IP6K2: variants seen among roughly 807,000 people sequenced by gnomAD.
The protein encoded by IP6K2 is ATP:1D-myo-inositol-hexakisphosphate phosphotransferase.
A neutral mutation model predicts 43.3 loss-of-function variants in IP6K2; 9 were observed. The observed-to-expected ratio is 0.21, with a 90% CI of 0.13 to 0.36. IP6K2 has a LOEUF of 0.36. Among genes scored for constraint, IP6K2 ranks in the 10% least tolerant of loss-of-function variants. The pLI, the probability that IP6K2 is intolerant of heterozygous loss-of-function variation, is 1.00. For synonymous variants in IP6K2, 209 were observed against 202.4 expected (o/e 1.03, Z -0.28); for missense variants, 332 against 538.4 (o/e 0.62, Z 3.79).
chr3:48,703,966 C>A (rs1334768057), intron 1 of IP6K2, among the ~76,000 whole-genome samples: 1 of 151,890 alleles, frequency 6.6e-6, no homozygotes, highest in Non-Finnish European at 1.5e-5. Context: ...GTGGCACATG[C>A]CTGTGATCCC....
At chr3:48,707,477 C>G (rs1559554565) in intron 1 of IP6K2, among the ~76,000 whole-genome samples, 1 of 152,178 alleles carries the variant, frequency 6.6e-6, no homozygotes, top group Non-Finnish European at 1.5e-5. Flanking sequence ...TCTTGTTGCC[C>G]AGGCTGGAGT....
Position 48,695,315 on chromosome 3 carries a change from G to C in IP6K2, c.-24C>G, listed in dbSNP as rs148012691. On this transcript the variant is annotated 5_prime_UTR_variant, in exon 2 of 6. It adds an upstream start codon to the 5' untranslated region. Coordinates refer to ENST00000328631, the MANE Select transcript of IP6K2 (RefSeq NM_016291.4). This position sits in a 1 kb window ranked among gnomAD's most constrained non-coding sequence, Gnocchi z 4.6. The stretch of plus-strand genomic sequence containing the variant: ...ATCCTCCGGGCGCAGATGGCGGGGA[G>C]ATGGGGGAGGCAGCGGAGTCCAGCG... 1.3e-6 allele frequency: 2 copies of C among 1,597,640 alleles called. No homozygotes were observed. Among genetic ancestry groups the C allele is most frequent in the Admixed American group, 3.4e-5 (2 of 58,614 alleles).
chr3:48,694,956 G>A (rs779815577), intron 2 of IP6K2, 134 bp downstream of exon 2: 85 of 1,579,788 alleles, frequency 5.4e-5, no homozygotes, highest in Admixed American at 7.4e-5. Context: ...AGGAGGAGGA[G>A]AAGGAGGAGA....
chr3:48,688,156 G>T lies in IP6K2; in HGVS notation c.*117C>A. On this transcript the variant is annotated 3_prime_UTR_variant, in exon 6 of 6. Coordinates refer to ENST00000328631, the MANE Select transcript of IP6K2 (RefSeq NM_016291.4). This position sits in a 1 kb window ranked among gnomAD's most constrained non-coding sequence, Gnocchi z 5.1. The stretch of plus-strand genomic sequence containing the variant: ...CAGGCTGGGGCTCACAGAGGCCACT[G>T]CACATCAGCTCCAGGCTGCAGGAGC... 1 of 1,136,088 alleles carries T rather than the reference G, an allele frequency of 8.8e-7. No homozygotes were observed. Among genetic ancestry groups the T allele is most frequent in the Non-Finnish European group, 1.3e-6 (1 of 775,508 alleles). The allele number at this position is 1,136,088 out of a possible 1,614,324, so 70.4% of individuals were successfully genotyped here.
Position 48,688,178 on chromosome 3 carries a change from G to A in IP6K2, c.*95C>T, listed in dbSNP as rs2077498186. 10 of 1,410,946 alleles carry A rather than the reference G, an allele frequency of 7.1e-6. No individual in the cohort carries two copies. In the South Asian group the frequency reaches 1.0e-4, roughly 15 times the overall value. 87.4% of individuals were successfully genotyped at this position (1,410,946 alleles called of 1,614,324 possible). A position where few individuals can be genotyped will look rare whatever the true frequency, so the allele number is the denominator to read the frequency against. ...ACTGCACATCAGCTCCAGGCTGCAGGAGCCACCACCTGGCCATACTGGCTT... is the reference window on the plus strand; with the variant it reads ...ACTGCACATCAGCTCCAGGCTGCAGAAGCCACCACCTGGCCATACTGGCTT... On this transcript the variant is annotated 3_prime_UTR_variant, in exon 6 of 6. Transcript: ENST00000328631. This position sits in a 1 kb window ranked among gnomAD's most constrained non-coding sequence, Gnocchi z 5.1.
At chr3:48,694,959 G>A (rs1250867704) in intron 2 of IP6K2, 131 bp downstream of exon 2, 13 of 1,583,684 alleles carry the variant, frequency 8.2e-6, no homozygotes, top group Non-Finnish European at 1.1e-5. Flanking sequence ...AGGAGGAGAA[G>A]GAGGAGAGGG....
At chr3:48,704,476 C>CT (rs36076263) in intron 1 of IP6K2, among the ~76,000 whole-genome samples, 21,869 of 146,044 alleles carry the variant, frequency 0.15, 1,865 homozygotes, top group African/African-American at 0.25. Flanking sequence ...TTATGATACA[C>CT]TTTTTTTTTT....
At chr3:48,692,851 C>T in intron 3 of IP6K2, 103 bp downstream of exon 3, 2 of 800,476 alleles carry the variant, frequency 2.5e-6, no homozygotes, top group Non-Finnish European at 2.1e-6. Flanking sequence ...AAGGTACCTA[C>T]TAAATCCACT....
intron 5 of IP6K2, among the ~76,000 whole-genome samples, chr3:48,689,160 G>C (rs775963570): frequency 1.1e-4 from 17 of 152,128 alleles, no homozygotes; most frequent in Non-Finnish European, 1.8e-4. Context: ...GTCAAATCTG[G>C]AACCTTTTTA....
At chr3:48,697,121 C>A (rs531108568) in intron 1 of IP6K2, among the ~76,000 whole-genome samples, 1 of 151,312 alleles carries the variant, frequency 6.6e-6, no homozygotes, top group African/African-American at 2.4e-5. Flanking sequence ...CCCAGGTTCA[C>A]GTCATTCTCC....
intron 1 of IP6K2, among the ~76,000 whole-genome samples, chr3:48,715,714 C>T (rs1365346131): frequency 2.1e-4 from 30 of 142,024 alleles, no homozygotes; most frequent in Admixed American, 7.1e-5. Context: ...CTCTCTCTCT[C>T]TTTTTTTTTT....
At chr3:48,709,531 G>T (rs922902248) in intron 1 of IP6K2, among the ~76,000 whole-genome samples, 3 of 152,144 alleles carry the variant, frequency 2.0e-5, no homozygotes, top group African/African-American at 7.2e-5. Flanking sequence ...ACGATTCTGA[G>T]AAAAGTCTTA....
At chr3:48,714,883 G>A (rs939231755) in intron 1 of IP6K2, among the ~76,000 whole-genome samples, 1 of 151,648 alleles carries the variant, frequency 6.6e-6, no homozygotes, top group African/African-American at 2.4e-5. Context: ...GGCAGTGATG[G>A]GGATAGGCAC....
At chr3:48,711,320 C>CA (rs2080490261) in intron 1 of IP6K2, 2 of 152,224 alleles carry the variant, frequency 1.3e-5, no homozygotes, top group African/African-American at 4.8e-5. Flanking sequence ...CCTGGATTTA[C>CA]AGTCCTCCTC....
At chr3:48,713,216 A>C (rs746058496) in intron 1 of IP6K2, among the ~76,000 whole-genome samples, 2 of 152,202 alleles carry the variant, frequency 1.3e-5, no homozygotes, top group South Asian at 2.1e-4. Flanking sequence ...AAGCTGAGAC[A>C]AGCTCACACG....
intron 1 of IP6K2, among the ~76,000 whole-genome samples, chr3:48,706,853 CT>C (rs2079852316): frequency 6.6e-6 from 1 of 152,004 alleles, no homozygotes; most frequent in African/African-American, 2.4e-5. Context: ...GGTCAAAATG[CT>C]GCCCCAAAAT....
intron 1 of IP6K2, among the ~76,000 whole-genome samples, chr3:48,705,621 C>T (rs972436671): frequency 6.6e-6 from 1 of 151,048 alleles, no homozygotes; most frequent in Admixed American, 6.6e-5. Flanking sequence ...CCACTGCACT[C>T]CAGCCTGGAT....
intron 1 of IP6K2, among the ~76,000 whole-genome samples, chr3:48,701,661 G>C (rs1246246653): frequency 6.6e-6 from 1 of 150,630 alleles, no homozygotes; most frequent in Non-Finnish European, 1.5e-5. Context: ...ACTTTGGGAG[G>C]CCGAGGCAGG....
chr3:48,695,877 A>G lies in IP6K2; in HGVS notation c.-130-456T>C, dbSNP rs2078286720. Among the ~76,000 whole-genome samples, 1 of 147,150 alleles carries G rather than the reference A, an allele frequency of 6.8e-6. No individual in the cohort carries two copies. The highest frequency in any genetic ancestry group is 2.5e-5 in the African/African-American group (1 of 40,360). ...TATATAAAATAAATATATATATATA[A>G]TTTTTTAATATATATAATTTTTTTT... On this transcript the variant is annotated intron_variant, in intron 1 of 5. Transcript: ENST00000328631. The surrounding 1 kb of genome is among the most constrained non-coding windows in gnomAD (Gnocchi z 4.6).
Sources: gnomAD v4.1 joint callset for allele counts (sites outside exome capture counted in the v4.1 genomes callset) on GRCh38, gnomAD v4.1.1 for gene constraint, Gnocchi (gnomAD v3.1) non-coding constraint, MANE v1.5 for transcripts, NCBI Gene and HGNC (gene_info 2026-07-23, HGNC 2026-07-21) for gene names.